Variants in HPCAL1 observed in about 807,000 individuals in gnomAD.
HPCAL1 encodes hippocalcin like 1.
HPCAL1 carries 8 observed loss-of-function variants against 17.1 expected under a neutral mutation model. That is an observed-to-expected ratio of 0.47 (90% CI 0.27 to 0.84). The LOEUF (loss-of-function observed/expected upper bound fraction) is 0.84, where lower values mean the gene tolerates loss of function less well. Ranked by LOEUF, HPCAL1 falls within the 40% of genes least tolerant of loss-of-function variation. The pLI, the probability that HPCAL1 is intolerant of heterozygous loss-of-function variation, is 0.13. For synonymous variants in HPCAL1, 112 were observed against 111.4 expected, an observed-to-expected ratio of 1.01 and a Z score of -0.03; for missense variants, 165 against 271.1, an observed-to-expected ratio of 0.61 and a Z score of 2.75.
At chr2:10,407,835 G>A (rs1389740279) in intron 2 of HPCAL1, among the ~76,000 whole-genome samples, 1 of 152,200 alleles carries the variant, frequency 6.6e-6, no homozygotes, top group Non-Finnish European at 1.5e-5. Context: ...CTTCCCCCAG[G>A]AGCTCCCAGT....
At position 10,322,132 on chromosome 2, in the gene HPCAL1, C is replaced by G. The variant is rs146539846; in HGVS notation, c.-111+18955C>G. On this transcript the variant is annotated intron_variant, in intron 1 of 4. Transcript: ENST00000307845. ...GCAACTCTATGGATTACATGTTCCT[C>G]CTGCCTCAGCCTCTTGAGTTGCTGG... is the stretch of plus-strand genomic sequence containing the variant. Among the ~76,000 whole-genome samples the G allele has an allele frequency of 3.9e-5, 6 of 152,262 alleles. No homozygotes were observed. The East Asian group carries it at 7.7e-4, about 20-fold the overall frequency.
At chr2:10,303,717 G>A (rs1662422331) in intron 1 of HPCAL1, 1 of 152,288 alleles carries the variant, frequency 6.6e-6, no homozygotes, top group Admixed American at 6.5e-5. Context: ...GCCAAGGGTG[G>A]GGGCCCACGC....
In HPCAL1 at chr2:10,344,261, G is replaced by A. The variant is rs182639171; in HGVS notation, c.-111+41084G>A. ...CCCCATAGGCATCACTTCGACCAGC[G>A]TCTGTGTGGGGTGTGCAGCAGCCCT... On this transcript the variant is annotated intron_variant, in intron 1 of 4. Transcript: ENST00000307845. This position sits in a 1 kb window ranked among gnomAD's most constrained non-coding sequence, Gnocchi z 4.9. 6.4e-4 allele frequency among the ~76,000 whole-genome samples: 98 copies of A among 152,238 alleles called. No homozygotes were observed. In the Middle Eastern group the frequency reaches 0.01, roughly 16 times the overall value.
chr2:10,385,733 T>G (rs1220332496), intron 1 of HPCAL1, among the ~76,000 whole-genome samples: 1 of 152,188 alleles, frequency 6.6e-6, no homozygotes, highest in African/African-American at 2.4e-5. Flanking sequence ...TTGCAGGGAA[T>G]GAATAATTTA....
At chr2:10,378,936 G>T (rs540605515) in intron 1 of HPCAL1, among the ~76,000 whole-genome samples, 1 of 152,130 alleles carries the variant, frequency 6.6e-6, no homozygotes, top group African/African-American at 2.4e-5. Context: ...ACAGCGAGGC[G>T]GACAGACTCA....
chr2:10,358,352 C>A (rs1031461538), intron 1 of HPCAL1, among the ~76,000 whole-genome samples: 3 of 152,208 alleles, frequency 2.0e-5, no homozygotes, highest in Non-Finnish European at 4.4e-5. Flanking sequence ...CCAGCTGATA[C>A]GGAAGTGGGG....
In HPCAL1 at chr2:10,342,893, G is replaced by A. The variant is rs1319489126; in HGVS notation, c.-111+39716G>A. Among the ~76,000 whole-genome samples the A allele has an allele frequency of 1.3e-5, 2 of 152,162 alleles. No individual in the cohort carries two copies. The highest frequency in any genetic ancestry group is 2.1e-4 in the South Asian group (1 of 4,832). ...TGGGTGGCAGTTGGTACCTCTCCCC[G>A]CTGCCTTCCCCCGGCCCCTTTTTGG... is the stretch of plus-strand genomic sequence containing the variant. On this transcript the variant is annotated intron_variant, in intron 1 of 4. Transcript: ENST00000307845. This position sits in a 1 kb window ranked among gnomAD's most constrained non-coding sequence, Gnocchi z 4.1.
At chr2:10,423,273 C>T (rs1671184814) in intron 4 of HPCAL1, 185 bp downstream of exon 4, 3 of 609,286 alleles carry the variant, frequency 4.9e-6, no homozygotes, top group Non-Finnish European at 9.1e-6. Context: ...CGTGCTGTAT[C>T]CTGGCTCCTC....
intron 1 of HPCAL1, among the ~76,000 whole-genome samples, chr2:10,340,871 CTT>C (rs1229973197): frequency 6.6e-6 from 1 of 152,196 alleles, no homozygotes; most frequent in Non-Finnish European, 1.5e-5. Flanking sequence ...AGACAGCACT[CTT>C]ATAATCATGC....
rs918099966 is a variant in HPCAL1 at position 10,308,848 on chromosome 2, C to T, written c.-111+5671C>T. The stretch of plus-strand genomic sequence containing the variant: ...ACATACATACCTTAACTTGTTTCAT[C>T]AAGAACTTGTGAGGCAAATGGCAAA... On this transcript the variant is annotated intron_variant, in intron 1 of 4. Coordinates refer to ENST00000307845, the MANE Select transcript of HPCAL1 (RefSeq NM_002149.4). 2.6e-5 allele frequency among the ~76,000 whole-genome samples: 4 copies of T among 152,212 alleles called. No individual in the cohort carries two copies. The South Asian group carries it at 6.2e-4, about 24-fold the overall frequency.
chr2:10,415,719 GAGTCC>G (rs1210840021), intron 2 of HPCAL1, among the ~76,000 whole-genome samples: 3 of 152,156 alleles, frequency 2.0e-5, no homozygotes, highest in African/African-American at 4.8e-5. Flanking sequence ...TATTCGGGGG[GAGTCC>G]AGAGCTCCAG....
intron 1 of HPCAL1, among the ~76,000 whole-genome samples, chr2:10,307,832 G>A (rs1662718899): frequency 2.0e-5 from 3 of 152,118 alleles, no homozygotes; most frequent in South Asian, 4.1e-4. Context: ...CAGCCACACC[G>A]GCAGCACTTC....
At chr2:10,315,577 G>A (rs1663263487) in intron 1 of HPCAL1, among the ~76,000 whole-genome samples, 1 of 152,118 alleles carries the variant, frequency 6.6e-6, no homozygotes, top group African/African-American at 2.4e-5. Flanking sequence ...TTCTTGTTAT[G>A]GTTAGACTGG....
chr2:10,338,687 C>G (rs1473697955), intron 1 of HPCAL1, among the ~76,000 whole-genome samples: 1 of 152,128 alleles, frequency 6.6e-6, no homozygotes, highest in East Asian at 1.9e-4. Flanking sequence ...TTGGCAAGAC[C>G]CCTTGACACC....
intron 1 of HPCAL1, among the ~76,000 whole-genome samples, chr2:10,358,814 ATCT>A (rs1325098749): frequency 2.6e-5 from 4 of 152,232 alleles, no homozygotes; most frequent in Admixed American, 2.6e-4. Context: ...CCCACGTGTG[ATCT>A]TCTGGTACAC....
chr2:10,361,968 A>G (rs976508564), intron 1 of HPCAL1, among the ~76,000 whole-genome samples: 4 of 152,184 alleles, frequency 2.6e-5, no homozygotes, highest in Non-Finnish European at 5.9e-5. Flanking sequence ...TCAGCCTCCC[A>G]AAGTGTTGGG....
Position 10,367,187 on chromosome 2 carries a change from C to T in HPCAL1, c.-110-29648C>T, listed in dbSNP as rs901153836. Among the ~76,000 whole-genome samples, 5 of 151,882 alleles carry T rather than the reference C, an allele frequency of 3.3e-5. No individual in the cohort carries two copies. The highest frequency in any genetic ancestry group is 3.3e-4 in the Admixed American group (5 of 15,248). On this transcript the variant is annotated intron_variant, in intron 1 of 4. Coordinates refer to ENST00000307845, the MANE Select transcript of HPCAL1 (RefSeq NM_002149.4). This position sits in a 1 kb window ranked among gnomAD's most constrained non-coding sequence, Gnocchi z 4.4. The stretch of plus-strand genomic sequence containing the variant: ...TCATCTGCTTGGGACTTGAGGGTAA[C>T]TTCATCTCTCAAAATAGGCTGAGAC...
Position 10,419,856 on chromosome 2 carries a change from C to T in HPCAL1, c.99C>T (p.Gly33=). The T allele has an allele frequency of 1.2e-6, 2 of 1,613,818 alleles. No homozygotes were observed. The highest frequency in any genetic ancestry group is 8.5e-7 in the Non-Finnish European group (1 of 1,179,980). Residue 33 remains glycine, a synonymous_variant, in exon 3 of 5, where the codon GGC becomes GGT. Coordinates refer to ENST00000307845, the MANE Select transcript of HPCAL1 (RefSeq NM_002149.4). The surrounding 1 kb of genome is among the most constrained non-coding windows in gnomAD (Gnocchi z 5.0). The part of the protein sequence containing the change: ...TDHELQEWYK[G]FLKDCPTGHL... The stretch of plus-strand genomic sequence containing the variant: ...ACGAGCTGCAGGAGTGGTACAAGGG[C>T]TTCCTCAAGGACTGCCCCACCGGCC...
chr2:10,346,261 C>T (rs2125452908), intron 1 of HPCAL1, among the ~76,000 whole-genome samples: 1 of 151,206 alleles, frequency 6.6e-6, no homozygotes, highest in Admixed American at 6.6e-5. Context: ...TTGTGGGGGC[C>T]ATGGGGAGCC....
Sources: gnomAD v4.1 joint callset for allele counts (sites outside exome capture counted in the v4.1 genomes callset) on GRCh38, gnomAD v4.1.1 for gene constraint, Gnocchi (gnomAD v3.1) non-coding constraint, MANE v1.5 for transcripts, NCBI Gene and HGNC (gene_info 2026-07-23, HGNC 2026-07-21) for gene names.